The following NPIPB2 variants were observed in gnomAD, a reference collection of about 807,000 sequenced individuals.
NPIPB2 encodes nuclear pore complex interacting protein family member B2.
A neutral mutation model predicts 30.8 loss-of-function variants in NPIPB2; 27 were observed. That is an observed-to-expected ratio of 0.88 (90% CI 0.65 to 1.21). The LOEUF (loss-of-function observed/expected upper bound fraction) is 1.21, where lower values mean the gene tolerates loss of function less well. Among genes scored for constraint, NPIPB2 ranks in the 50% most tolerant of loss-of-function variants. The pLI is 0.00. For missense variants in NPIPB2, 440 were observed against 446.2 expected (o/e 0.99, Z 0.13); for synonymous variants, 147 against 162.0 (o/e 0.91, Z 0.70).
intron 1 of NPIPB2, chr16:11,967,494 G>C (rs1375488074): frequency 7.0e-7 from 1 of 1,426,866 alleles, no homozygotes; most frequent in South Asian, 1.3e-5. Flanking sequence ...TTTGAGTCCC[G>C]ATGTGTACTG....
chr16:11,971,899 C>G (rs1303166719), intron 1 of NPIPB2, among the ~76,000 whole-genome samples: 3 of 152,096 alleles, frequency 2.0e-5, no homozygotes, highest in Non-Finnish European at 4.4e-5. Flanking sequence ...GTAATCCCAG[C>G]ACTTTGGGAG....
At chr16:11,944,313 C>T (rs1398615666), upstream of NPIPB2, among the ~76,000 whole-genome samples, 3 of 151,508 alleles carry the variant, frequency 2.0e-5, no homozygotes, top group Admixed American at 6.6e-5. Flanking sequence ...ACTATAGGCG[C>T]GTGCCACCAC....
At chr16:11,967,944 C>T (rs1004461122) in intron 1 of NPIPB2, 16 of 1,379,192 alleles carry the variant, frequency 1.2e-5, no homozygotes, top group Admixed American at 2.3e-5. Flanking sequence ...TTTCAGTTGC[C>T]GATACAGCTT....
At chr16:11,944,624 G>A (rs1039932925), upstream of NPIPB2, among the ~76,000 whole-genome samples, 29 of 149,598 alleles carry the variant, frequency 1.9e-4, no homozygotes, top group African/African-American at 4.7e-4. Context: ...TTAGCTGGGC[G>A]TGGTGGTGCG....
intron 1 of NPIPB2, among the ~76,000 whole-genome samples, chr16:11,975,791 A>G (rs964263096): frequency 2.6e-5 from 4 of 151,834 alleles, no homozygotes; most frequent in South Asian, 4.2e-4. Context: ...GGGTTTCACT[A>G]TGTTGGCCAG....
chr16:11,971,196 G>C (rs758023937), intron 1 of NPIPB2, among the ~76,000 whole-genome samples: 3 of 151,994 alleles, frequency 2.0e-5, no homozygotes, highest in African/African-American at 7.2e-5. Context: ...TTGTGTGCTA[G>C]GTCAGTCATG....
intron 1 of NPIPB2, among the ~76,000 whole-genome samples, chr16:11,974,718 G>C (rs2055257721): frequency 6.6e-6 from 1 of 152,132 alleles, no homozygotes; most frequent in Non-Finnish European, 1.5e-5. Context: ...GGCAAAACAA[G>C]TTGGGAAAAT....
At chr16:11,971,716 A>C (rs1416731935) in intron 1 of NPIPB2, among the ~76,000 whole-genome samples, 1 of 151,784 alleles carries the variant, frequency 6.6e-6, no homozygotes, top group East Asian at 2.0e-4. Flanking sequence ...GCTGGTCTTG[A>C]ACTCCTCACC....
chr16:11,961,292 T>C (rs907823023), intron 1 of NPIPB2, among the ~76,000 whole-genome samples: 1 of 152,076 alleles, frequency 6.6e-6, no homozygotes, highest in African/African-American at 2.4e-5. Flanking sequence ...CTGCTTCAGC[T>C]TCTCCCTGTC....
chr16:11,975,394 G>C (rs1156930428), intron 1 of NPIPB2, among the ~76,000 whole-genome samples: 1 of 150,694 alleles, frequency 6.6e-6, no homozygotes, highest in African/African-American at 2.4e-5. Flanking sequence ...TGATCCGCCC[G>C]CCTCGGCCTC....
chr16:11,958,225 A>G lies in NPIPB2; in HGVS notation c.-583-16111T>C, dbSNP rs569763861. On this transcript the variant is annotated intron_variant, in intron 1 of 5. Coordinates refer to the NPIPB2 transcript ENST00000538896. ...CAGATCACCTGAGGTCAGGAGTTCA[A>G]GACTAGCCTGGCCAACATAGCAAAA... Among the ~76,000 whole-genome samples, 128 of 152,088 alleles carry G rather than the reference A, an allele frequency of 8.4e-4. 1 individual carries two copies. Among genetic ancestry groups the G allele is most frequent in the Non-Finnish European group, 8.2e-4 (56 of 67,986 alleles).
intron 1 of NPIPB2, among the ~76,000 whole-genome samples, chr16:11,960,439 C>A (rs1396119821): frequency 6.6e-6 from 1 of 151,076 alleles, no homozygotes; most frequent in Non-Finnish European, 1.5e-5. Flanking sequence ...TCACTGCAAC[C>A]TCTGCCTCCC....
At chr16:11,934,226 TCACACACACA>T (rs766087820) in intron 2 of NPIPB2, among the ~76,000 whole-genome samples, 10 of 121,830 alleles carry the variant, frequency 8.2e-5, no homozygotes, top group South Asian at 8.1e-4. Context: ...TGAGACTCTG[TCACACACACA>T]CACACACACA....
chr16:11,933,706 C>T, exon 4 of NPIPB2: 4 of 1,596,916 alleles, frequency 2.5e-6, no homozygotes, highest in African/African-American at 1.3e-5. Context: ...ACAAATGGAC[C>T]TCAGCCCTTG....
At chr16:11,953,441 C>G (rs1004321731) in intron 1 of NPIPB2, among the ~76,000 whole-genome samples, 1 of 149,972 alleles carries the variant, frequency 6.7e-6, no homozygotes, top group Non-Finnish European at 1.5e-5. Flanking sequence ...CTCCCAGGTT[C>G]CCAGGTTCAA....
chr16:11,940,568 C>G (rs868032144), intron 1 of NPIPB2, among the ~76,000 whole-genome samples: 2 of 58,844 alleles, frequency 3.4e-5, no homozygotes, highest in East Asian at 5.7e-4. Context: ...GAAACCCCGT[C>G]TCTACTAAAA....
intron 1 of NPIPB2, among the ~76,000 whole-genome samples, chr16:11,949,653 C>A (rs574248301): frequency 6.6e-6 from 1 of 152,342 alleles, no homozygotes; most frequent in African/African-American, 2.4e-5. Context: ...TAGCCAAGCC[C>A]TGGCCAGTCT....
At chr16:11,945,013 T>C (rs1425064461), upstream of NPIPB2, among the ~76,000 whole-genome samples, 3 of 147,892 alleles carry the variant, frequency 2.0e-5, no homozygotes, top group African/African-American at 7.7e-5. Context: ...ACCCCATCTC[T>C]ACTAAAAATA....
intron 1 of NPIPB2, among the ~76,000 whole-genome samples, chr16:11,947,322 T>TTATATATA (rs1555509075): frequency 2.7e-4 from 32 of 119,942 alleles, no homozygotes; most frequent in Admixed American, 8.4e-4. Context: ...ATTTATTTAT[T>TTATATATA]TATATATATA....
Sources: gnomAD v4.1 joint callset for allele counts (sites outside exome capture counted in the v4.1 genomes callset) on GRCh38, gnomAD v4.1.1 for gene constraint, MANE v1.5 for transcripts, NCBI Gene and HGNC (gene_info 2026-07-23, HGNC 2026-07-21) for gene names.